BABAM2: variants seen among roughly 807,000 people sequenced by gnomAD.
BABAM2 encodes BRISC and BRCA1-A complex member 2.
A neutral mutation model predicts 54.7 loss-of-function variants in BABAM2; 31 were observed. The observed-to-expected ratio is 0.57, with a 90% CI of 0.43 to 0.77. BABAM2 has a LOEUF of 0.77. BABAM2 is among the 30% of genes least tolerant of loss of function. The probability of loss-of-function intolerance (pLI) is 0.00; values close to 1 mark genes in which losing one functional copy is unlikely to be tolerated. For synonymous variants in BABAM2, 167 were observed against 162.9 expected, an observed-to-expected ratio of 1.03 and a Z score of -0.19; for missense variants, 364 against 455.8, an observed-to-expected ratio of 0.80 and a Z score of 1.83.
At chr2:27,917,249 C>A (rs1667046414) in intron 2 of BABAM2, among the ~76,000 whole-genome samples, 1 of 152,084 alleles carries the variant, frequency 6.6e-6, no homozygotes, top group Admixed American at 6.6e-5. Flanking sequence ...ATCTCTTGAC[C>A]TCATGATTTG....
intron 5 of BABAM2, among the ~76,000 whole-genome samples, chr2:28,042,231 G>C (rs1677156886): frequency 6.6e-6 from 1 of 152,162 alleles, no homozygotes; most frequent in African/African-American, 2.4e-5. Context: ...GTTTATAGGA[G>C]TTGGATAAAT....
At chr2:28,210,049 G>A (rs1356835255) in intron 7 of BABAM2, among the ~76,000 whole-genome samples, 2 of 151,988 alleles carry the variant, frequency 1.3e-5, no homozygotes, top group Non-Finnish European at 2.9e-5. Context: ...CATTCTTTTT[G>A]CACTTCCTTC....
intron 7 of BABAM2, among the ~76,000 whole-genome samples, chr2:28,193,328 A>G (rs1573804601): frequency 6.6e-6 from 1 of 152,158 alleles, no homozygotes; most frequent in African/African-American, 2.4e-5. Flanking sequence ...GGTGGTAGGC[A>G]AGGTGCTGGA....
intron 10 of BABAM2, among the ~76,000 whole-genome samples, chr2:28,289,801 A>G (rs999017699): frequency 1.2e-4 from 18 of 152,178 alleles, no homozygotes; most frequent in African/African-American, 4.1e-4. Context: ...AAAAGAAAAA[A>G]AGAAAGGAAA....
intron 3 of BABAM2, among the ~76,000 whole-genome samples, chr2:27,935,540 A>G (rs181613729): frequency 6.6e-6 from 1 of 152,376 alleles, no homozygotes; most frequent in East Asian, 1.9e-4. Context: ...TGCTATGAAC[A>G]TTGTTGAAAT....
intron 5 of BABAM2, among the ~76,000 whole-genome samples, chr2:28,028,684 TCTTCTCTGCTAATTCTTTTAGG>T (rs1468806467): frequency 2.0e-5 from 3 of 152,218 alleles, no homozygotes; most frequent in South Asian, 4.1e-4. Flanking sequence ...GTTTAGGTGC[TCTTCTCTGCTAATTCTTTTAGG>T]TTTCCCTGTC....
chr2:28,303,944 A>C (rs1382558808), intron 11 of BABAM2, among the ~76,000 whole-genome samples: 1 of 151,994 alleles, frequency 6.6e-6, no homozygotes, highest in African/African-American at 2.4e-5. Context: ...ACCGTGGCGC[A>C]ATCTTGGCTT....
At chr2:28,258,610 C>CTTCTCTTTTTTTTTTTTTTTT (rs1553352112) in intron 10 of BABAM2, among the ~76,000 whole-genome samples, 1 of 26,276 alleles carries the variant, frequency 3.8e-5, no homozygotes, top group African/African-American at 1.1e-4. Context: ...TTTCTTTTTT[C>CTTCTCTTTTTTTTTTTTTTTT]TTTTCTTTTT....
In BABAM2 at chr2:28,124,914, A is replaced by T. The variant is rs1272281891; in HGVS notation, c.571-4357A>T. On this transcript the variant is annotated intron_variant, in intron 6 of 11. Coordinates refer to ENST00000379624, the MANE Select transcript of BABAM2 (RefSeq NM_199191.3). Reference sequence around the variant, plus strand: ...CCGGATTTAACTCTGCAAAAATCTAAATTTTCTGTGATGGCAGAAGAGCCC... The same window carrying T: ...CCGGATTTAACTCTGCAAAAATCTATATTTTCTGTGATGGCAGAAGAGCCC... Among the ~76,000 whole-genome samples the T allele has an allele frequency of 2.0e-5, 3 of 152,338 alleles. No individual in the cohort carries two copies. The East Asian group carries it at 5.8e-4, about 29-fold the overall frequency.
At chr2:27,903,229 C>G (rs974347020) in intron 2 of BABAM2, among the ~76,000 whole-genome samples, 6 of 152,192 alleles carry the variant, frequency 3.9e-5, no homozygotes, top group African/African-American at 1.4e-4. Context: ...GCCTCACTGT[C>G]CTTGTGCCAG....
intron 6 of BABAM2, among the ~76,000 whole-genome samples, chr2:28,085,941 C>T (rs1165112319): frequency 6.6e-6 from 1 of 152,086 alleles, no homozygotes; most frequent in Non-Finnish European, 1.5e-5. Context: ...ATTAATCTGA[C>T]ATTTTGTAAA....
At chr2:28,002,621 C>T (rs1305502892) in intron 4 of BABAM2, among the ~76,000 whole-genome samples, 2 of 151,974 alleles carry the variant, frequency 1.3e-5, no homozygotes, top group African/African-American at 4.8e-5. Flanking sequence ...CTAGACACAT[C>T]ATGGCAAATT....
At chr2:28,160,638 T>G (rs1167124322) in intron 7 of BABAM2, among the ~76,000 whole-genome samples, 1 of 143,946 alleles carries the variant, frequency 6.9e-6, no homozygotes, top group Non-Finnish European at 1.5e-5. Context: ...TATTTAATGT[T>G]TTTTTTTTTA....
At chr2:27,987,643 C>T (rs1672494836) in intron 3 of BABAM2, among the ~76,000 whole-genome samples, 1 of 151,756 alleles carries the variant, frequency 6.6e-6, no homozygotes, top group Non-Finnish European at 1.5e-5. Flanking sequence ...GGCGAAACCC[C>T]ATCTCTAATA....
chr2:28,053,765 A>G (rs1281143482), intron 6 of BABAM2, among the ~76,000 whole-genome samples: 16 of 152,128 alleles, frequency 1.1e-4, no homozygotes, highest in Non-Finnish European at 2.2e-4. Flanking sequence ...GCAAGATAGT[A>G]AAATTTTAGA....
chr2:28,103,174 C>T (rs1486617342), intron 6 of BABAM2, among the ~76,000 whole-genome samples: 1 of 151,528 alleles, frequency 6.6e-6, no homozygotes, highest in East Asian at 1.9e-4. Context: ...CAGTAAGCTT[C>T]TCAAAGTTCT....
At chr2:28,110,223 ATAT>A (rs1667880873) in intron 6 of BABAM2, among the ~76,000 whole-genome samples, 1 of 152,146 alleles carries the variant, frequency 6.6e-6, no homozygotes, top group Non-Finnish European at 1.5e-5. Context: ...AGGCTGGATA[ATAT>A]TCCATATATG....
intron 5 of BABAM2, among the ~76,000 whole-genome samples, chr2:28,034,233 C>G (rs1386837181): frequency 1.3e-5 from 2 of 152,142 alleles, no homozygotes; most frequent in African/African-American, 2.4e-5. Flanking sequence ...GGAGAGTGAT[C>G]TAGGGGGCAG....
chr2:27,926,093 C>CTT (rs77326542), intron 2 of BABAM2, among the ~76,000 whole-genome samples: 22 of 142,252 alleles, frequency 1.5e-4, no homozygotes, highest in African/African-American at 4.1e-4. Context: ...CTCTTGTGGT[C>CTT]TTTTTTTTTT....
Sources: allele counts gnomAD v4.1 joint callset (sites outside exome capture counted in the v4.1 genomes callset), GRCh38; gene constraint gnomAD v4.1.1; transcripts MANE v1.5; gene names NCBI Gene and HGNC (gene_info 2026-07-23, HGNC 2026-07-21).